The following LEKR1 variants were observed in gnomAD, a reference collection of about 807,000 sequenced individuals.
LEKR1 encodes leucine, glutamate and lysine rich 1.
Under a neutral mutation model 72.4 loss-of-function variants are expected in LEKR1, and 59 were observed. That is an observed-to-expected ratio of 0.82 (90% CI 0.66 to 1.01). The LOEUF (loss-of-function observed/expected upper bound fraction) is 1.01, where lower values mean the gene tolerates loss of function less well. Among genes scored for constraint, LEKR1 ranks in the 50% least tolerant of loss-of-function variants. The pLI, the probability that LEKR1 is intolerant of heterozygous loss-of-function variation, is 0.00. For synonymous variants in LEKR1, 257 were observed against 263.2 expected (o/e 0.98, Z 0.23); for missense variants, 728 against 759.2 (o/e 0.96, Z 0.48).
intron 5 of LEKR1, among the ~76,000 whole-genome samples, chr3:156,939,285 G>C (rs1725993550): frequency 6.6e-6 from 1 of 152,168 alleles, no homozygotes; most frequent in Non-Finnish European, 1.5e-5. Flanking sequence ...TGAATACACA[G>C]GGAAAAGGCA....
chr3:156,952,805 T>C (rs1727283109), intron 6 of LEKR1, among the ~76,000 whole-genome samples: 1 of 151,438 alleles, frequency 6.6e-6, no homozygotes. Flanking sequence ...GCAAGCAACC[T>C]AAAACATCAT....
At chr3:156,898,011 C>T (rs1721375817) in intron 3 of LEKR1, among the ~76,000 whole-genome samples, 1 of 151,468 alleles carries the variant, frequency 6.6e-6, no homozygotes, top group African/African-American at 2.4e-5. Context: ...CTTATAATGG[C>T]TGCCTTTAGA....
chr3:156,976,993 G>A (rs1164470509), intron 6 of LEKR1, among the ~76,000 whole-genome samples: 1 of 152,188 alleles, frequency 6.6e-6, no homozygotes, highest in African/African-American at 2.4e-5. Context: ...TGGAGCCAGT[G>A]GACCTCACAG....
intron 6 of LEKR1, among the ~76,000 whole-genome samples, chr3:156,971,513 T>C (rs1364859277): frequency 6.6e-6 from 1 of 152,062 alleles, no homozygotes; most frequent in Non-Finnish European, 1.5e-5. Flanking sequence ...ACTAAAGAGC[T>C]TCTGCACAGC....
chr3:156,986,628 A>T (rs182044848), intron 7 of LEKR1, among the ~76,000 whole-genome samples: 46 of 152,246 alleles, frequency 3.0e-4, no homozygotes, highest in Admixed American at 2.5e-3. Context: ...GAGAGCTCAG[A>T]CTCCAGATCC....
At chr3:156,993,530 T>C (rs1287015820) in intron 9 of LEKR1, among the ~76,000 whole-genome samples, 3 of 151,758 alleles carry the variant, frequency 2.0e-5, no homozygotes, top group Non-Finnish European at 4.4e-5. Flanking sequence ...GCATTTGGTG[T>C]CAAATTCTTC....
At chr3:157,041,545 G>T (rs749306075) in intron 12 of LEKR1, among the ~76,000 whole-genome samples, 2 of 152,024 alleles carry the variant, frequency 1.3e-5, no homozygotes, top group East Asian at 1.9e-4. Flanking sequence ...TCCTCCCCGT[G>T]TGCACCTGCC....
intron 6 of LEKR1, among the ~76,000 whole-genome samples, chr3:156,962,007 C>T (rs1415235938): frequency 6.6e-6 from 1 of 152,184 alleles, no homozygotes; most frequent in Non-Finnish European, 1.5e-5. Flanking sequence ...TTTCTCTTTG[C>T]CCAAAGGTGT....
chr3:156,996,509 C>T (rs1731582648), intron 9 of LEKR1, among the ~76,000 whole-genome samples: 2 of 152,168 alleles, frequency 1.3e-5, no homozygotes, highest in African/African-American at 4.8e-5. Flanking sequence ...GAAGAGAAAC[C>T]ATTGAAGGTA....
intron 9 of LEKR1, among the ~76,000 whole-genome samples, chr3:156,994,376 C>T (rs952456120): frequency 6.6e-6 from 1 of 152,060 alleles, no homozygotes; most frequent in African/African-American, 2.4e-5. Flanking sequence ...CTGTGTAGTT[C>T]ATAGGGAAAC....
At chr3:156,868,687 T>C (rs1050136127) in intron 3 of LEKR1, among the ~76,000 whole-genome samples, 3 of 152,038 alleles carry the variant, frequency 2.0e-5, no homozygotes, top group Non-Finnish European at 4.4e-5. Context: ...AATTTCTAAG[T>C]TGGGAATATT....
intron 9 of LEKR1, among the ~76,000 whole-genome samples, chr3:157,005,865 A>G (rs554017018): frequency 4.7e-4 from 72 of 152,330 alleles, no homozygotes; most frequent in Admixed American, 7.8e-4. Flanking sequence ...TCCTAATAAA[A>G]AATGAACAAA....
chr3:156,877,663 A>G (rs73025863), intron 3 of LEKR1, among the ~76,000 whole-genome samples: 2,980 of 152,192 alleles, frequency 0.02, 108 homozygotes, highest in African/African-American at 0.067. Context: ...TGGTTGTAAT[A>G]TCTCCCATTT....
At chr3:156,899,381 CAT>C (rs1491096854) in intron 3 of LEKR1, among the ~76,000 whole-genome samples, 7 of 106,986 alleles carry the variant, frequency 6.5e-5, no homozygotes, top group Non-Finnish European at 5.4e-5. Flanking sequence ...CATATATACA[CAT>C]ATATACATGT....
At chr3:157,013,233 G>C (rs927802357) in intron 10 of LEKR1, among the ~76,000 whole-genome samples, 1 of 152,038 alleles carries the variant, frequency 6.6e-6, no homozygotes, top group Non-Finnish European at 1.5e-5. Flanking sequence ...TAGTATGATG[G>C]AGTAAACTTT....
chr3:156,872,090 C>CT (rs541032237), intron 3 of LEKR1, among the ~76,000 whole-genome samples: 3,339 of 143,112 alleles, frequency 0.023, 178 homozygotes, highest in Admixed American at 0.13. Context: ...TGTTGGCAGA[C>CT]TTTTTTTTTT....
intron 6 of LEKR1, among the ~76,000 whole-genome samples, chr3:156,975,714 TC>T (rs947412943): frequency 1.3e-5 from 2 of 152,202 alleles, no homozygotes; most frequent in African/African-American, 4.8e-5. Context: ...AAGAACTCTT[TC>T]TGTCTTGTTC....
intron 6 of LEKR1, among the ~76,000 whole-genome samples, chr3:156,971,447 A>G (rs1226656250): frequency 6.6e-6 from 1 of 152,240 alleles, no homozygotes; most frequent in Non-Finnish European, 1.5e-5. Flanking sequence ...CTTCATGTCT[A>G]AAACACCAAA....
At chr3:156,916,012 T>C (rs557541938) in intron 3 of LEKR1, among the ~76,000 whole-genome samples, 57 of 152,308 alleles carry the variant, frequency 3.7e-4, no homozygotes, top group Middle Eastern at 3.4e-3. Flanking sequence ...ATTTATTGAA[T>C]AGGGAGTCTT....
Sources: allele counts gnomAD v4.1 joint callset (sites outside exome capture counted in the v4.1 genomes callset), GRCh38; gene constraint gnomAD v4.1.1; transcripts MANE v1.5; gene names NCBI Gene and HGNC (gene_info 2026-07-23, HGNC 2026-07-21).